The following TCOF1 variants were observed in gnomAD, a reference collection of about 807,000 sequenced individuals.
TCOF1 encodes treacle protein.
A neutral mutation model predicts 149.0 loss-of-function variants in TCOF1; 33 were observed. The observed-to-expected ratio is 0.22, with a 90% confidence interval of 0.17 to 0.30. TCOF1 has a LOEUF of 0.30. Ranked by LOEUF, TCOF1 falls within the 10% of genes least tolerant of loss-of-function variation. The probability of loss-of-function intolerance (pLI) is 1.00; values close to 1 mark genes in which losing one functional copy is unlikely to be tolerated. For missense variants in TCOF1, 1,728 were observed against 1,840.7 expected (o/e 0.94, Z 1.12); for synonymous variants, 789 against 738.8 (o/e 1.07, Z -1.10).
chr5:150,379,910 A>G (rs1764702776), intron 17 of TCOF1, 178 bp downstream of exon 17: 4 of 689,844 alleles, frequency 5.8e-6, no homozygotes, highest in Non-Finnish European at 1.0e-5. Flanking sequence ...CGTCTCTACT[A>G]AAAATATAAA....
intron 9 of TCOF1, 47 bp downstream of exon 9, chr5:150,374,858 AGCACCTGCATGGGTGTGGCCACCTTT>A: frequency 6.2e-7 from 1 of 1,608,228 alleles, no homozygotes; most frequent in Non-Finnish European, 8.5e-7. Context: ...CCTAAACCCC[AGCACCTGCATGGGTGTGGCCACCTTT>A]GCCACATCCA....
intron 17 of TCOF1, 23 bp from the exon 18 acceptor site, chr5:150,387,879 G>GCCTTTAATCAC: frequency 6.2e-7 from 1 of 1,613,530 alleles, no homozygotes; most frequent in Non-Finnish European, 8.5e-7. Flanking sequence ...CACTGGGGGG[G>GCCTTTAATCAC]TGTTTTGTTT....
Position 150,396,415 on chromosome 5 carries a change from C to T in TCOF1, c.3918C>T (p.Pro1306=). The T allele has an allele frequency of 6.2e-7, 1 of 1,614,048 alleles. No individual in the cohort carries two copies. Among genetic ancestry groups the T allele is most frequent in the African/African-American group, 1.3e-5 (1 of 75,058 alleles). The change falls in exon 24 of 27, where the codon CCC becomes CCT. Residue 1306 remains proline (P), a synonymous_variant. Coordinates refer to ENST00000643257, the MANE Select transcript of TCOF1 (RefSeq NM_001371623.1). ...AGTGCCTCCTGGGCCAACCCTGGCC[C>T]CTGAATGAGGCCCAGGTGCAGGCCT... ...ITQCLLGQPW[P]LNEAQVQASV... is the part of the protein sequence containing the mutation.
Position 150,390,110 on chromosome 5 carries a change from T to G in TCOF1, c.3183+87T>G, listed in dbSNP as rs979554569. 5.2e-6 allele frequency: 8 copies of G among 1,539,148 alleles called. No homozygotes were observed. The East Asian group carries it at 1.2e-4, about 24-fold the overall frequency. ...ACCCACATGTGCTGATGGGATGGCC[T>G]GCAATTGCTGTCACGCCCACACTCC... On this transcript the variant is annotated intron_variant, in intron 19 of 26. Coordinates refer to ENST00000643257, the MANE Select transcript of TCOF1 (RefSeq NM_001371623.1).
Position 150,382,997 on chromosome 5 carries a change from C to T in TCOF1, c.2859+3265C>T, listed in dbSNP as rs1581162477. 19 of 1,313,426 alleles carry T rather than the reference C, an allele frequency of 1.4e-5. No individual in the cohort carries two copies. In the East Asian group the frequency reaches 4.8e-4, roughly 33 times the overall value. The allele number at this position is 1,313,426 out of a possible 1,614,324, so 81.4% of individuals were successfully genotyped here. A position where few individuals can be genotyped will look rare whatever the true frequency, so the allele number is the denominator to read the frequency against. On this transcript the variant is annotated intron_variant, in intron 17 of 26. Coordinates refer to ENST00000643257, the MANE Select transcript of TCOF1 (RefSeq NM_001371623.1). ...GTGCCTGAGGGTCATTGCCTACTGG[C>T]TGTTTCCCCCTCAGCAAATGCCCCA...
chr5:150,376,495 A>C lies in TCOF1; in HGVS notation c.2215A>C (p.Thr739Pro). Residue 739 changes from threonine (T) to proline (P), a missense_variant, in exon 14 of 27, where the codon ACT becomes CCT. Around this residue, in one of 2 missense-constraint regions of TCOF1, gnomAD observed 1,696 missense variants for 1,765.4 expected, o/e 0.96. Transcript: ENST00000643257. ...VPVKGSLGQG[T>P]APVLPGKTGP... ...TGTCAAGGGGTCCTTGGGGCAAGGG[A>C]CTGCTCCAGTACTCCCTGGGAAGAC... 1 of 1,614,012 alleles carries C rather than the reference A, an allele frequency of 6.2e-7. No homozygotes were observed. The highest frequency in any genetic ancestry group is 8.5e-7 in the Non-Finnish European group (1 of 1,179,944).
At chr5:150,369,660 C>T in intron 6 of TCOF1, 58 bp downstream of exon 6, 2 of 1,587,982 alleles carry the variant, frequency 1.3e-6, no homozygotes, top group South Asian at 1.1e-5. Flanking sequence ...CTTCCAGGAA[C>T]CTGTCTGGGG....
chr5:150,388,450 G>A (rs1324419038), intron 18 of TCOF1, among the ~76,000 whole-genome samples: 1 of 152,210 alleles, frequency 6.6e-6, no homozygotes, highest in East Asian at 1.9e-4. Context: ...GGCATGTAAA[G>A]TAGGTTAGGC....
chr5:150,357,780 C>G lies in TCOF1; in HGVS notation c.34C>G (p.Pro12Ala). Residue 12 changes from proline to alanine, a missense_variant, in exon 1 of 27, where the codon CCC (proline) becomes GCC (alanine). Physicochemically the swap from Pro to Ala is conservative, Grantham distance 27. This residue lies in a region of TCOF1 where 32 missense variants were observed against 75.3 expected (regional missense o/e 0.43). Coordinates refer to ENST00000643257, the MANE Select transcript of TCOF1 (RefSeq NM_001371623.1). ...GGCCAGGAAGCGGCGGGAGCTACTT[C>G]CCCTGATCTACCACCATCTGCTGCG... ...AEARKRRELL[P>A]LIYHHLLRAG... The G allele has an allele frequency of 1.3e-6, 2 of 1,549,688 alleles. No individual in the cohort carries two copies. The highest frequency in any genetic ancestry group is 1.7e-6 in the Non-Finnish European group (2 of 1,146,584).
chr5:150,398,107 G>A (rs1768950830), intron 24 of TCOF1, among the ~76,000 whole-genome samples: 2 of 152,288 alleles, frequency 1.3e-5, no homozygotes, highest in African/African-American at 4.8e-5. Context: ...ATTTTTTGTA[G>A]AGACAGGTCT....
intron 17 of TCOF1, among the ~76,000 whole-genome samples, chr5:150,385,520 T>C (rs557281774): frequency 1.2e-4 from 19 of 152,078 alleles, no homozygotes; most frequent in Non-Finnish European, 2.4e-4. Flanking sequence ...TCCCCTGGAG[T>C]GGGGCTGGCC....
chr5:150,393,480 G>T lies in TCOF1; in HGVS notation c.3712G>T (p.Ala1238Ser), dbSNP rs137960641. 2 of 1,614,118 alleles carry T rather than the reference G, an allele frequency of 1.2e-6. No individual in the cohort carries two copies. The highest frequency in any genetic ancestry group is 1.1e-5 in the South Asian group (1 of 91,076). ...CCCCTCAGTTTCCTCTACTCTGGCC[G>T]CCAAAGATGACCCAGATGGCAAGCA... ...SSPSVSSTLAAKDDPDGKQEA... is the reference protein window; with the variant it reads ...SSPSVSSTLASKDDPDGKQEA... The change falls in exon 23 of 27, where the codon GCC becomes TCC. Residue 1238 changes from alanine to serine, a missense_variant. Ala to Ser is a moderately conservative substitution (Grantham distance 99). Transcript: ENST00000643257.
At chr5:150,384,366 G>A (rs1022600309) in intron 17 of TCOF1, 5 of 985,588 alleles carry the variant, frequency 5.1e-6, no homozygotes, top group South Asian at 4.7e-5. Flanking sequence ...GCTCAGAGAA[G>A]TTGAGGGACC....
chr5:150,398,889 G>A (rs535180686), intron 25 of TCOF1, 133 bp from the exon 26 acceptor site: 3 of 1,233,332 alleles, frequency 2.4e-6, no homozygotes, highest in Non-Finnish European at 3.5e-6. Context: ...ACATCTGTTT[G>A]CCTCTGCCCT....
intron 5 of TCOF1, 32 bp downstream of exon 5, chr5:150,368,934 C>G: frequency 6.2e-7 from 1 of 1,612,454 alleles, no homozygotes; most frequent in African/African-American, 1.3e-5. Flanking sequence ...GAACCTAGTC[C>G]CCAGAACTTG....
chr5:150,367,865 A>T lies in TCOF1; in HGVS notation c.326A>T (p.Asn109Ile). The change falls in exon 4 of 27, where the codon AAC (asparagine) becomes ATC (isoleucine). Residue 109 changes from asparagine (N) to isoleucine (I), a missense_variant. By Grantham distance (149) the Asn-to-Ile change is moderately radical (BLOSUM62 -3). Coordinates refer to ENST00000643257, the MANE Select transcript of TCOF1 (RefSeq NM_001371623.1). ...GCAGCCCCAAGACTAGCATCTACCA[A>T]CTCCTCAGTCCTGGGGGCGGACTTG... is the stretch of plus-strand genomic sequence containing the variant. ...AKATPRLAST[N>I]SSVLGADLPS... is the part of the protein sequence containing the mutation. The T allele has an allele frequency of 1.9e-6, 3 of 1,614,078 alleles. No homozygotes were observed. Among genetic ancestry groups the T allele is most frequent in the Non-Finnish European group, 2.5e-6 (3 of 1,180,014 alleles).
intron 3 of TCOF1, among the ~76,000 whole-genome samples, chr5:150,367,058 C>G (rs1761516893): frequency 6.6e-6 from 1 of 151,964 alleles, no homozygotes; most frequent in South Asian, 2.1e-4. Context: ...GTAATCCCAG[C>G]ACTTTGGGAG....
intron 5 of TCOF1, 147 bp downstream of exon 5, chr5:150,369,049 A>T: frequency 3.7e-6 from 4 of 1,089,012 alleles, no homozygotes; most frequent in Non-Finnish European, 5.4e-6. Flanking sequence ...GACTTTTCTC[A>T]TCACCTAGAC....
At chr5:150,377,673 G>A (rs1764132262) in intron 14 of TCOF1, among the ~76,000 whole-genome samples, 1 of 151,922 alleles carries the variant, frequency 6.6e-6, no homozygotes, top group South Asian at 2.1e-4. Flanking sequence ...TTTAAGCTCT[G>A]CAGGGGCCCC....
Sources: gnomAD v4.1 joint callset for allele counts (sites outside exome capture counted in the v4.1 genomes callset) on GRCh38, gnomAD v4.1.1 for gene constraint, gnomAD v4.1.1 regional missense constraint, MANE v1.5 for transcripts, NCBI Gene and HGNC (gene_info 2026-07-23, HGNC 2026-07-21) for gene names.